The following KIAA1217 variants were observed in gnomAD, a reference collection of about 807,000 sequenced individuals.
The protein encoded by KIAA1217 is sickle tail protein homolog.
In KIAA1217, 88 loss-of-function variants were observed where a neutral mutation model predicts 163.9. The observed-to-expected ratio is 0.54, with a 90% confidence interval of 0.45 to 0.64. KIAA1217 has a LOEUF of 0.64. Among genes scored for constraint, KIAA1217 ranks in the 30% least tolerant of loss-of-function variants. The pLI is 0.00. For synonymous variants in KIAA1217, 903 were observed against 923.1 expected (o/e 0.98, Z 0.39); for missense variants, 2,372 against 2,475.0 (o/e 0.96, Z 0.88).
At chr10:24,466,698 T>G in intron 5 of KIAA1217, 1 of 985,452 alleles carries the variant, frequency 1.0e-6, no homozygotes, top group Non-Finnish European at 1.2e-6. Context: ...AGGATTTAGA[T>G]GAAGCCAGCA....
chr10:24,050,438 G>C (rs1849420813), intron 2 of KIAA1217, among the ~76,000 whole-genome samples: 1 of 152,078 alleles, frequency 6.6e-6, no homozygotes, highest in Admixed American at 6.6e-5. Context: ...TATGGTTTTA[G>C]GTCTTACATT....
rs1211756463 is a variant in KIAA1217 at position 24,543,898 on chromosome 10, T to C, written c.4628T>C (p.Leu1543Pro). 1.2e-6 allele frequency: 2 copies of C among 1,613,818 alleles called. No homozygotes were observed. Among genetic ancestry groups the C allele is most frequent in the South Asian group, 2.2e-5 (2 of 91,036 alleles). The change falls in exon 19 of 21, where the codon CTG becomes CCG. Residue 1543 changes from leucine to proline, a missense_variant. Physicochemically the swap from Leu to Pro is moderately conservative, Grantham distance 98. Transcript: ENST00000376454. ...GGACAGGAAATGAACAGAACGGAGC[T>C]GAACAAGTTCAGCCACGTGGATTCT... The part of the protein sequence containing the change: ...PGGQEMNRTE[L>P]NKFSHVDSPN...
At chr10:24,092,834 C>T (rs760626299) in intron 2 of KIAA1217, among the ~76,000 whole-genome samples, 3 of 151,242 alleles carry the variant, frequency 2.0e-5, no homozygotes, top group Non-Finnish European at 2.9e-5. Flanking sequence ...TGGTAGATAG[C>T]CAACTCTTTG....
At chr10:23,923,794 T>G (rs1842929711) in intron 1 of KIAA1217, among the ~76,000 whole-genome samples, 2 of 152,142 alleles carry the variant, frequency 1.3e-5, no homozygotes, top group African/African-American at 4.8e-5. Context: ...CAAATCTGAG[T>G]GGTTTTTTGT....
Position 24,280,742 on chromosome 10 carries a change from G to A in KIAA1217, c.354+60833G>A, listed in dbSNP as rs915435603. On this transcript the variant is annotated intron_variant, in intron 2 of 20. Transcript: ENST00000376454. Reference sequence around the variant, plus strand: ...GGAGAATGCAGTGAACCTGGGAGGCGGAGCTTGCAGTGAGCAGAGATTGCG... The same window carrying A: ...GGAGAATGCAGTGAACCTGGGAGGCAGAGCTTGCAGTGAGCAGAGATTGCG... Among the ~76,000 whole-genome samples the A allele has an allele frequency of 7.8e-4, 118 of 151,724 alleles. 2 individuals carry two copies. The highest frequency in any genetic ancestry group is 2.7e-3 in the African/African-American group (111 of 41,342).
At chr10:24,309,909 C>T (rs1193034427) in intron 2 of KIAA1217, among the ~76,000 whole-genome samples, 1 of 152,168 alleles carries the variant, frequency 6.6e-6, no homozygotes, top group Non-Finnish European at 1.5e-5. Context: ...TGTCCTTAAA[C>T]TTTATGAGCA....
intron 2 of KIAA1217, among the ~76,000 whole-genome samples, chr10:24,016,007 A>C (rs1054829182): frequency 6.6e-6 from 1 of 152,040 alleles, no homozygotes; most frequent in Non-Finnish European, 1.5e-5. Context: ...CCATTAAATG[A>C]GCTGAACAAT....
intron 1 of KIAA1217, among the ~76,000 whole-genome samples, chr10:24,211,245 G>T (rs527993303): frequency 6.6e-6 from 1 of 152,100 alleles, no homozygotes; most frequent in African/African-American, 2.4e-5. Flanking sequence ...AGAAGGATGG[G>T]AGGAAAAGAG....
At chr10:24,505,678 A>T (rs1487221335) in intron 9 of KIAA1217, among the ~76,000 whole-genome samples, 1 of 151,952 alleles carries the variant, frequency 6.6e-6, no homozygotes, top group East Asian at 1.9e-4. Flanking sequence ...TTTCATCCCC[A>T]ATCTCTTTAT....
Position 23,952,317 on chromosome 10 carries a change from A to C in KIAA1217, c.-320-54908A>C, listed in dbSNP as rs111905738. ...CCTTTTATTTTGCATTTCTGGGATA[A>C]CCATTGCTTCCCGTGTTCTGGACTT... On this transcript the variant is annotated intron_variant, in intron 1 of 18. Coordinates refer to the KIAA1217 transcript ENST00000376462. Among the ~76,000 whole-genome samples the C allele has an allele frequency of 3.6e-3, 551 of 152,304 alleles. 3 individuals are homozygous for C. Among genetic ancestry groups the C allele is most frequent in the South Asian group, 0.016 (78 of 4,824 alleles).
rs1212050149 is a variant in KIAA1217 at position 24,093,615 on chromosome 10, AT to A, written c.-171+86253del. Among the ~76,000 whole-genome samples the A allele has an allele frequency of 6.6e-3, 965 of 145,916 alleles. 13 individuals are homozygous for A. The highest frequency in any genetic ancestry group is 0.02 in the African/African-American group (781 of 39,538). ...CACGGCACTTGGCACTCAACTAAGA[AT>A]TTTTTTTTTTTCAGTTATAATGGTT... is the stretch of plus-strand genomic sequence containing the variant. On this transcript the variant is annotated intron_variant, in intron 2 of 18. Coordinates refer to the KIAA1217 transcript ENST00000376462.
intron 2 of KIAA1217, among the ~76,000 whole-genome samples, chr10:24,036,102 C>T (rs929522109): frequency 6.6e-6 from 1 of 152,214 alleles, no homozygotes; most frequent in African/African-American, 2.4e-5. Flanking sequence ...AGGAGATCCC[C>T]AACAGCTGCC....
rs144068713 is a variant in KIAA1217 at position 24,136,726 on chromosome 10, A to G, written c.-170-82900A>G. On this transcript the variant is annotated intron_variant, in intron 2 of 18. Transcript: ENST00000376462. Reference sequence around the variant, plus strand: ...CTGGATATTTACAAGGAAAACCTCCATCTCCAATAACAACATATTTTGAGT... The same window carrying G: ...CTGGATATTTACAAGGAAAACCTCCGTCTCCAATAACAACATATTTTGAGT... 5.2e-3 allele frequency among the ~76,000 whole-genome samples: 795 copies of G among 152,324 alleles called. 3 individuals are homozygous for G. The highest frequency in any genetic ancestry group is 0.018 in the African/African-American group (768 of 41,576).
chr10:24,155,622 A>G (rs2064839232), intron 2 of KIAA1217, among the ~76,000 whole-genome samples: 2 of 152,118 alleles, frequency 1.3e-5, no homozygotes, highest in South Asian at 4.2e-4. Context: ...GGAGTTCAAG[A>G]CCAGCCTGGC....
intron 2 of KIAA1217, among the ~76,000 whole-genome samples, chr10:24,045,629 T>C (rs924492096): frequency 1.3e-5 from 2 of 152,182 alleles, no homozygotes; most frequent in Non-Finnish European, 2.9e-5. Flanking sequence ...ATTTTTAATT[T>C]CCAAGAAGCT....
intron 1 of KIAA1217, among the ~76,000 whole-genome samples, chr10:23,782,167 G>C (rs535003311): frequency 6.6e-6 from 1 of 152,148 alleles, no homozygotes; most frequent in South Asian, 2.1e-4. Flanking sequence ...TATATACATT[G>C]TAATAATATT....
At chr10:24,269,752 C>G (rs1389558253) in intron 2 of KIAA1217, among the ~76,000 whole-genome samples, 1 of 152,150 alleles carries the variant, frequency 6.6e-6, no homozygotes, top group Non-Finnish European at 1.5e-5. Flanking sequence ...GTTTGGTTAA[C>G]TCAAGAAGTT....
chr10:24,509,559 G>A (rs990849199), intron 9 of KIAA1217, among the ~76,000 whole-genome samples: 9 of 152,112 alleles, frequency 5.9e-5, no homozygotes, highest in Non-Finnish European at 1.0e-4. Context: ...GTTATATTGC[G>A]ATTCATTCAT....
chr10:24,140,618 C>T (rs962835528), intron 2 of KIAA1217, among the ~76,000 whole-genome samples: 4 of 152,272 alleles, frequency 2.6e-5, no homozygotes, highest in East Asian at 3.9e-4. Context: ...TATGAGATTT[C>T]ATCACACCAC....
Sources: gnomAD v4.1 joint callset for allele counts (sites outside exome capture counted in the v4.1 genomes callset) on GRCh38, gnomAD v4.1.1 for gene constraint, MANE v1.5 for transcripts, NCBI Gene and HGNC (gene_info 2026-07-23, HGNC 2026-07-21) for gene names.